Variants in PCDH11X observed in about 807,000 individuals in gnomAD.
PCDH11X encodes the protein protocadherin 11 X-linked.
A neutral mutation model predicts 53.3 loss-of-function variants in PCDH11X; 18 were observed. That is an observed-to-expected ratio of 0.34 (90% CI 0.23 to 0.50). The LOEUF (loss-of-function observed/expected upper bound fraction) is 0.50. Among genes scored for constraint, PCDH11X ranks in the 20% least tolerant of loss-of-function variants. The pLI is 0.98. For synonymous variants in PCDH11X, 279 were observed against 393.3 expected, an observed-to-expected ratio of 0.71 and a Z score of 3.44; for missense variants, 570 against 1,032.4, an observed-to-expected ratio of 0.55 and a Z score of 6.14.
chrX:92,067,239 C>T (rs1215419600), intron 6 of PCDH11X, among the ~76,000 whole-genome samples: 1 of 110,961 alleles, frequency 9.0e-6, no homozygotes, highest in African/African-American at 3.3e-5. Flanking sequence ...TGTCATGTTC[C>T]AAATATAAGA....
rs763630464 is a variant in PCDH11X, at chrX:91,877,700, A to C, written c.1460A>C (p.Lys487Thr). The change falls in exon 6 of 11, where the codon AAA (lysine) becomes ACA (threonine). Residue 487 changes from lysine (K) to threonine (T), a missense_variant. Coordinates refer to ENST00000682573, the MANE Select transcript of PCDH11X (RefSeq NM_032968.5). ...AACTCTCCTGGCATCCAGTTGACGAAAGTAAGTGCAATGGATGCAGACAGT... is the reference window on the plus strand; with the variant it reads ...AACTCTCCTGGCATCCAGTTGACGACAGTAAGTGCAATGGATGCAGACAGT... ...ENNSPGIQLT[K>T]VSAMDADSGP... 4.1e-6 allele frequency: 5 copies of C among 1,211,603 alleles called. No homozygotes were observed. The highest frequency in any genetic ancestry group is 5.6e-6 in the Non-Finnish European group (5 of 895,431).
chrX:91,796,832 T>G (rs1458853030), intron 1 of PCDH11X, among the ~76,000 whole-genome samples: 1 of 111,706 alleles, frequency 9.0e-6, no homozygotes, highest in African/African-American at 3.2e-5. Context: ...TTCCATGGTA[T>G]GAATATAGAA....
At chrX:92,223,683 A>C (rs1233004233) in intron 7 of PCDH11X, among the ~76,000 whole-genome samples, 1 of 111,953 alleles carries the variant, frequency 8.9e-6, no homozygotes, top group African/African-American at 3.2e-5. Flanking sequence ...TCACCAAACT[A>C]TTTAATAGCT....
intron 9 of PCDH11X, among the ~76,000 whole-genome samples, chrX:92,455,743 T>A (rs2148651665): frequency 1.4e-5 from 1 of 70,273 alleles, no homozygotes; most frequent in African/African-American, 5.4e-5. Flanking sequence ...CTTAAAAAAA[T>A]CTCTTCTAGT....
chrX:92,343,173 G>C lies in PCDH11X; in HGVS notation c.3145-44562G>C, dbSNP rs771193985. 2.7e-3 allele frequency among the ~76,000 whole-genome samples: 307 copies of C among 112,250 alleles called. 6 individuals carry two copies. In the East Asian group the frequency reaches 0.052, roughly 19 times the overall value. On this transcript the variant is annotated intron_variant, in intron 8 of 10. Transcript: ENST00000682573. ...CAGGCAAAGTCCATTTTCAAAATGG[G>C]TTTGCACCAAAGCTGTTTGGAAGGC...
At chrX:92,251,228 T>C (rs2067455870) in intron 7 of PCDH11X, among the ~76,000 whole-genome samples, 1 of 110,821 alleles carries the variant, frequency 9.0e-6, no homozygotes, top group South Asian at 3.8e-4. Flanking sequence ...ACCTCGATAA[T>C]ACGGTTCCAG....
At chrX:92,558,895 T>C (rs1176212925) in intron 10 of PCDH11X, among the ~76,000 whole-genome samples, 1 of 110,249 alleles carries the variant, frequency 9.1e-6, no homozygotes, top group African/African-American at 3.3e-5. Flanking sequence ...AACATAATTA[T>C]CTTTGCTAGG....
chrX:92,574,033 G>A (rs1433319104), intron 10 of PCDH11X, among the ~76,000 whole-genome samples: 1 of 105,894 alleles, frequency 9.4e-6, no homozygotes, highest in African/African-American at 3.4e-5. Context: ...TGCAAATACA[G>A]TGCAACCATT....
chrX:92,279,967 A>G (rs919268928), intron 8 of PCDH11X, among the ~76,000 whole-genome samples: 1 of 112,051 alleles, frequency 8.9e-6, no homozygotes, highest in East Asian at 2.8e-4. Context: ...ATAATATTGT[A>G]TTTTTACTGT....
At chrX:91,915,091 T>G (rs1210142897) in intron 6 of PCDH11X, among the ~76,000 whole-genome samples, 2 of 105,561 alleles carry the variant, frequency 1.9e-5, no homozygotes, top group Non-Finnish European at 3.9e-5. Flanking sequence ...GGTCCCATCT[T>G]TAGCCCCCTG....
At chrX:92,022,768 G>A (rs1378002093) in intron 6 of PCDH11X, among the ~76,000 whole-genome samples, 4 of 111,625 alleles carry the variant, frequency 3.6e-5, no homozygotes, top group Non-Finnish European at 5.6e-5. Flanking sequence ...CACATGATTC[G>A]AAGTAAAACA....
intron 6 of PCDH11X, among the ~76,000 whole-genome samples, chrX:91,992,319 G>T (rs1483702555): frequency 9.3e-6 from 1 of 107,809 alleles, no homozygotes; most frequent in Non-Finnish European, 1.9e-5. Context: ...AGTCGCTTCA[G>T]TCATAAATGC....
intron 4 of PCDH11X, among the ~76,000 whole-genome samples, chrX:91,821,237 G>A (rs1234940626): frequency 9.1e-6 from 1 of 110,208 alleles, no homozygotes; most frequent in South Asian, 3.8e-4. Context: ...GATGGGGATG[G>A]CATTGAATCT....
chrX:91,869,150 T>G (rs1569419317), intron 5 of PCDH11X, among the ~76,000 whole-genome samples: 1 of 110,394 alleles, frequency 9.1e-6, no homozygotes, highest in African/African-American at 3.3e-5. Flanking sequence ...AACATTACTT[T>G]TAGGGGTGGT....
intron 8 of PCDH11X, among the ~76,000 whole-genome samples, chrX:92,351,646 G>A (rs1317857727): frequency 9.0e-6 from 1 of 111,594 alleles, no homozygotes; most frequent in Non-Finnish European, 1.9e-5. Flanking sequence ...AACACTGCAT[G>A]TTTATTTACT....
rs749497907 is a variant in PCDH11X at position 92,551,557 on chromosome X, T to C, written c.3368-66707T>C. The stretch of plus-strand genomic sequence containing the variant: ...CTTCCTCTGCTGTGCAGAAGCTTTT[T>C]AACTTAATGTGATCTCGTTTGTTTA... On this transcript the variant is annotated intron_variant, in intron 10 of 10. Coordinates refer to ENST00000682573, the MANE Select transcript of PCDH11X (RefSeq NM_032968.5). 3.0e-3 allele frequency among the ~76,000 whole-genome samples: 324 copies of C among 107,114 alleles called. 2 individuals carry two copies. Among genetic ancestry groups the C allele is most frequent in the African/African-American group, 0.01 (310 of 29,674 alleles). 93.0% of individuals were successfully genotyped at this position (107,114 alleles called of 115,157 possible). A position where few individuals can be genotyped will look rare whatever the true frequency, so the allele number is the denominator to read the frequency against.
At chrX:91,800,839 C>A (rs1935908392) in intron 1 of PCDH11X, among the ~76,000 whole-genome samples, 1 of 108,884 alleles carries the variant, frequency 9.2e-6, no homozygotes, top group South Asian at 4.0e-4. Context: ...ATTTATTTTA[C>A]ATTCAAAAGT....
chrX:92,039,528 C>G (rs2063178673), intron 6 of PCDH11X, among the ~76,000 whole-genome samples: 1 of 110,497 alleles, frequency 9.1e-6, no homozygotes, highest in African/African-American at 3.3e-5. Flanking sequence ...TGCCAGGCCA[C>G]TGCTAATGTT....
intron 6 of PCDH11X, among the ~76,000 whole-genome samples, chrX:92,064,169 G>T (rs1292092730): frequency 9.6e-6 from 1 of 103,679 alleles, no homozygotes; most frequent in Non-Finnish European, 2.0e-5. Flanking sequence ...GGGTAGGGTT[G>T]CCTGTGTCCA....
Sources: allele counts gnomAD v4.1 joint callset (sites outside exome capture counted in the v4.1 genomes callset), GRCh38; gene constraint gnomAD v4.1.1; transcripts MANE v1.5; gene names NCBI Gene and HGNC (gene_info 2026-07-23, HGNC 2026-07-21).